FAM107B: variants seen among roughly 807,000 people sequenced by gnomAD.
FAM107B encodes family with sequence similarity 107 member B.
In FAM107B, 21 loss-of-function variants were observed where a neutral mutation model predicts 31.5. That is an observed-to-expected ratio of 0.67 (90% CI 0.47 to 0.96). FAM107B has a LOEUF of 0.96. FAM107B is among the 40% of genes least tolerant of loss of function. The pLI is 0.00. For missense variants in FAM107B, 452 were observed against 377.1 expected (o/e 1.20, Z -1.64); for synonymous variants, 157 against 141.5 (o/e 1.11, Z -0.78).
chr10:14,693,552 A>T (rs1211282203), intron 1 of FAM107B, among the ~76,000 whole-genome samples: 3 of 146,698 alleles, frequency 2.0e-5, no homozygotes, highest in Non-Finnish European at 4.6e-5. Context: ...AGTGAAGCAA[A>T]TTAACACATC....
chr10:14,693,213 C>T (rs988812473), intron 1 of FAM107B, among the ~76,000 whole-genome samples: 3 of 152,182 alleles, frequency 2.0e-5, no homozygotes, highest in Non-Finnish European at 4.4e-5. Flanking sequence ...CGGTGGCTCA[C>T]GCCTGTAATC....
In FAM107B at chr10:14,705,676, G is replaced by C. The variant is rs148652293; in HGVS notation, c.412-37985C>G. ...TCCCTAGAGTAGTCAAATGCATAGAGAGAACAAGCAGAATGATGGTTGCCA... is the reference window on the plus strand; with the variant it reads ...TCCCTAGAGTAGTCAAATGCATAGACAGAACAAGCAGAATGATGGTTGCCA... On this transcript the variant is annotated intron_variant, in intron 1 of 4. Coordinates refer to ENST00000181796, the MANE Select transcript of FAM107B (RefSeq NM_031453.4). Among the ~76,000 whole-genome samples the C allele has an allele frequency of 4.3e-3, 656 of 152,174 alleles. 3 individuals are homozygous for C. The highest frequency in any genetic ancestry group is 0.015 in the African/African-American group (611 of 41,510).
At chr10:14,770,476 T>A (rs374716592) in intron 1 of FAM107B, among the ~76,000 whole-genome samples, 2 of 152,030 alleles carry the variant, frequency 1.3e-5, no homozygotes, top group East Asian at 3.9e-4. Context: ...TGAGCCGAGA[T>A]CGCACCACTA....
intron 1 of FAM107B, among the ~76,000 whole-genome samples, chr10:14,772,836 A>G (rs1833337883): frequency 6.6e-6 from 1 of 152,176 alleles, no homozygotes; most frequent in South Asian, 2.1e-4. Context: ...CCTGAGTCCC[A>G]TGTGCAACTA....
intron 1 of FAM107B, among the ~76,000 whole-genome samples, chr10:14,768,099 G>A (rs1833222094): frequency 6.6e-6 from 1 of 152,040 alleles, no homozygotes; most frequent in African/African-American, 2.4e-5. Context: ...AACCTAGGAG[G>A]CAAAAGAAGT....
intron 1 of FAM107B, among the ~76,000 whole-genome samples, chr10:14,747,080 A>G (rs562744804): frequency 6.6e-6 from 1 of 152,158 alleles, no homozygotes; most frequent in Admixed American, 6.5e-5. Flanking sequence ...TACTTGATCA[A>G]TTTGGCTATT....
chr10:14,534,363 T>C (rs1198572581), intron 2 of FAM107B, among the ~76,000 whole-genome samples: 1 of 152,076 alleles, frequency 6.6e-6, no homozygotes, highest in Non-Finnish European at 1.5e-5. Flanking sequence ...TGCTTCTCAG[T>C]GACACCCCGC....
In FAM107B at chr10:14,774,555, T is replaced by TC; in HGVS notation, c.108dup (p.Ser37GlufsTer11). The TC allele has an allele frequency of 6.2e-7, 1 of 1,614,108 alleles. No homozygotes were observed. On this transcript the variant is annotated frameshift_variant, in exon 1 of 5. Transcript: ENST00000181796. LOFTEE classifies it high-confidence loss of function. ...ACGCCGGACTGATTGAAGGAAGCAC[T>TC]CTCCCTCGTATTCCCAAAACAGGCG...
intron 1 of FAM107B, among the ~76,000 whole-genome samples, chr10:14,694,433 G>T (rs918267505): frequency 2.6e-5 from 4 of 152,168 alleles, no homozygotes; most frequent in African/African-American, 9.7e-5. Context: ...GCCCAGGCTG[G>T]AGTGCAGTGG....
At chr10:14,761,466 T>G (rs1298963536) in intron 1 of FAM107B, among the ~76,000 whole-genome samples, 1 of 152,232 alleles carries the variant, frequency 6.6e-6, no homozygotes, top group Non-Finnish European at 1.5e-5. Flanking sequence ...GTGTAGTATT[T>G]TCTCTACATT....
At chr10:14,609,259 C>CT (rs1179454890) in intron 2 of FAM107B, among the ~76,000 whole-genome samples, 3 of 152,138 alleles carry the variant, frequency 2.0e-5, no homozygotes, top group Admixed American at 6.6e-5. Flanking sequence ...TTGACTCGTC[C>CT]TTTTTTTAGT....
chr10:14,538,183 C>G (rs1232450388), intron 2 of FAM107B, among the ~76,000 whole-genome samples: 1 of 152,124 alleles, frequency 6.6e-6, no homozygotes, highest in Non-Finnish European at 1.5e-5. Flanking sequence ...AAACATCTTG[C>G]AAAGGATGAC....
chr10:14,673,597 C>T (rs192713824), intron 1 of FAM107B, among the ~76,000 whole-genome samples: 7 of 152,274 alleles, frequency 4.6e-5, no homozygotes, highest in East Asian at 1.9e-4. Flanking sequence ...GCAATAAACA[C>T]GAGAGTGTAG....
chr10:14,530,485 T>A lies in FAM107B; in HGVS notation c.500A>T (p.Asp167Val). The change falls in exon 3 of 5, where the codon GAC (aspartate) becomes GTC (valine). Residue 167 changes from aspartate to valine, a missense_variant. By Grantham distance (152) the Asp-to-Val change is radical. Transcript: ENST00000181796. ...DSPPEDIDHKDSYLITRSIMA... is the reference protein window; with the variant it reads ...DSPPEDIDHKVSYLITRSIMA... ...GATGCTTCTTGTAATGAGATATGAG[T>A]CCTTATGGTCAATATCCTCAGGTGG... 6.2e-7 allele frequency: 1 copy of A among 1,613,054 alleles called. No individual in the cohort carries two copies. The highest frequency in any genetic ancestry group is 8.5e-7 in the Non-Finnish European group (1 of 1,179,776).
chr10:14,659,237 T>G (rs1854156485), intron 2 of FAM107B, among the ~76,000 whole-genome samples: 1 of 151,966 alleles, frequency 6.6e-6, no homozygotes, highest in African/African-American at 2.4e-5. Flanking sequence ...GGTCAGGAGT[T>G]TGAGACCAGC....
At chr10:14,734,914 T>G (rs1244126627) in intron 1 of FAM107B, among the ~76,000 whole-genome samples, 1 of 152,014 alleles carries the variant, frequency 6.6e-6, no homozygotes, top group Non-Finnish European at 1.5e-5. Flanking sequence ...GAAAACAAAT[T>G]GATATACGCA....
rs1220123613 is a variant in FAM107B, at chr10:14,621,371, A to G, written c.469+46263T>C. ...TATTTGTGTTCTGTGACTGACTCCT[A>G]CTGCAGACTCTTTGATTCTAGATCT... is the stretch of plus-strand genomic sequence containing the variant. On this transcript the variant is annotated intron_variant, in intron 2 of 4. Coordinates refer to ENST00000181796, the MANE Select transcript of FAM107B (RefSeq NM_031453.4). Among the ~76,000 whole-genome samples, 4 of 152,312 alleles carry G rather than the reference A, an allele frequency of 2.6e-5. No individual in the cohort carries two copies. In the East Asian group the frequency reaches 7.7e-4, roughly 29 times the overall value.
In FAM107B at chr10:14,750,832, G is replaced by A. The variant is rs533265499; in HGVS notation, c.411+23421C>T. 1.1e-4 allele frequency among the ~76,000 whole-genome samples: 16 copies of A among 152,246 alleles called. No individual in the cohort carries two copies. The South Asian group carries it at 2.7e-3, about 26-fold the overall frequency. ...GGTGGTGCATGCTTCTAGACGGGAA[G>A]GGGGCTCCAAGGGTGGCTTCTTGGA... On this transcript the variant is annotated intron_variant, in intron 1 of 4. Transcript: ENST00000181796.
rs1362204054 is a variant in FAM107B at position 14,740,780 on chromosome 10, CAA to C, written c.411+33471_411+33472del. 2.0e-5 allele frequency among the ~76,000 whole-genome samples: 3 copies of C among 152,252 alleles called. No homozygotes were observed. In the East Asian group the frequency reaches 5.8e-4, roughly 29 times the overall value. ...ATAAACCCAAAACTGCTCTAAAAAA[CAA>C]AGTCTATTTTTAAAATGAGCTAGAC... On this transcript the variant is annotated intron_variant, in intron 1 of 4. Coordinates refer to ENST00000181796, the MANE Select transcript of FAM107B (RefSeq NM_031453.4).
Sources: allele counts gnomAD v4.1 joint callset (sites outside exome capture counted in the v4.1 genomes callset), GRCh38; gene constraint gnomAD v4.1.1; transcripts MANE v1.5; gene names NCBI Gene and HGNC (gene_info 2026-07-23, HGNC 2026-07-21).